Variants in CTDP1 observed in about 807,000 individuals in gnomAD.
CTDP1 encodes CTD phosphatase 1.
Under a neutral mutation model 91.8 loss-of-function variants are expected in CTDP1, and 47 were observed. That is an observed-to-expected ratio of 0.51 (90% CI 0.41 to 0.65). The LOEUF (loss-of-function observed/expected upper bound fraction) is 0.65. CTDP1 is among the 30% of genes least tolerant of loss of function. The probability of loss-of-function intolerance (pLI) is 0.00; values close to 1 mark genes in which losing one functional copy is unlikely to be tolerated. For missense variants in CTDP1, 1,272 were observed against 1,373.7 expected, an observed-to-expected ratio of 0.93 and a Z score of 1.17; for synonymous variants, 656 against 598.5, an observed-to-expected ratio of 1.10 and a Z score of -1.40.
In CTDP1 at chr18:79,690,209, G is replaced by A. The variant is rs369211247; in HGVS notation, c.315-5016G>A. ...GGAGGCGATGCTCAGAGGTGATGGC[G>A]TCCATGGTCCAGGCCCAGCCCGTAG... On this transcript the variant is annotated intron_variant, in intron 1 of 12. Coordinates refer to ENST00000613122, the MANE Select transcript of CTDP1 (RefSeq NM_004715.5). 5.9e-5 allele frequency among the ~76,000 whole-genome samples: 9 copies of A among 152,346 alleles called. No homozygotes were observed. The East Asian group carries it at 1.2e-3, about 20-fold the overall frequency.
At chr18:79,722,673 G>A (rs948177750) in intron 10 of CTDP1, among the ~76,000 whole-genome samples, 6 of 152,092 alleles carry the variant, frequency 3.9e-5, no homozygotes, top group African/African-American at 1.5e-4. Flanking sequence ...TGGAAACTGA[G>A]TTCTCCTAAA....
intron 3 of CTDP1, among the ~76,000 whole-genome samples, chr18:79,696,803 C>T (rs780446461): frequency 6.6e-6 from 1 of 152,180 alleles, no homozygotes; most frequent in African/African-American, 2.4e-5. Context: ...TGTGGGTCAG[C>T]GGCTCCGGGC....
intron 5 of CTDP1, among the ~76,000 whole-genome samples, chr18:79,707,624 C>T (rs2085993955): frequency 6.6e-6 from 1 of 152,234 alleles, no homozygotes; most frequent in Admixed American, 6.5e-5. Context: ...AACTGCAGAC[C>T]AGTATCCCTT....
chr18:79,719,605 G>A (rs1193777447), intron 10 of CTDP1, among the ~76,000 whole-genome samples: 1 of 151,192 alleles, frequency 6.6e-6, no homozygotes, highest in Non-Finnish European at 1.5e-5. Context: ...CATTAGGAAG[G>A]CGTCCTGGTG....
At chr18:79,708,743 C>T (rs2086019728) in intron 5 of CTDP1, among the ~76,000 whole-genome samples, 1 of 152,236 alleles carries the variant, frequency 6.6e-6, no homozygotes. Flanking sequence ...GACTCTGGAC[C>T]GGCTCACTCT....
Position 79,750,504 on chromosome 18 carries a change from T to C in CTDP1, c.2748-3148T>C, listed in dbSNP as rs79707906. Reference sequence around the variant, plus strand: ...CTTCCCGCTACTCTGCCTTTTTTTTTCCCCCCCGAGACAGAGTCTCGCTCT... The same window carrying C: ...CTTCCCGCTACTCTGCCTTTTTTTTCCCCCCCCGAGACAGAGTCTCGCTCT... On this transcript the variant is annotated intron_variant, in intron 12 of 12. Coordinates refer to ENST00000613122, the MANE Select transcript of CTDP1 (RefSeq NM_004715.5). Among the ~76,000 whole-genome samples the C allele has an allele frequency of 3.4e-3, 505 of 150,638 alleles. 5 individuals are homozygous for C. The highest frequency in any genetic ancestry group is 5.3e-3 in the Non-Finnish European group (359 of 67,648).
chr18:79,742,010 A>G (rs568457236), intron 12 of CTDP1, among the ~76,000 whole-genome samples: 1 of 152,356 alleles, frequency 6.6e-6, no homozygotes, highest in African/African-American at 2.4e-5. Context: ...TTACCTAGGC[A>G]CATCCCAGTG....
intron 8 of CTDP1, among the ~76,000 whole-genome samples, chr18:79,715,999 C>G (rs1343021985): frequency 6.6e-6 from 1 of 152,212 alleles, no homozygotes. Flanking sequence ...TGAAACCTGT[C>G]CCGGACGGGG....
At chr18:79,684,647 C>T (rs138209443) in intron 1 of CTDP1, among the ~76,000 whole-genome samples, 2,881 of 150,896 alleles carry the variant, frequency 0.019, 52 homozygotes, top group Middle Eastern at 0.11. Flanking sequence ...TCCGTGCCCT[C>T]GTTGCCTGCA....
At chr18:79,679,599 C>A, upstream of CTDP1, 1 of 474,082 alleles carries the variant, frequency 2.1e-6, no homozygotes, top group Non-Finnish European at 4.2e-6. Flanking sequence ...GACTGGGCGA[C>A]AGCGGCCCGC....
At chr18:79,743,685 C>G (rs958835194) in intron 12 of CTDP1, among the ~76,000 whole-genome samples, 8 of 152,214 alleles carry the variant, frequency 5.3e-5, no homozygotes, top group African/African-American at 1.9e-4. Flanking sequence ...AGGGGCTGAG[C>G]TGTGCAGCAG....
At chr18:79,748,475 G>A (rs1250009760) in intron 12 of CTDP1, among the ~76,000 whole-genome samples, 4 of 152,242 alleles carry the variant, frequency 2.6e-5, no homozygotes, top group African/African-American at 4.8e-5. Flanking sequence ...TCAGCCTCAT[G>A]GAAGCCCTGA....
At chr18:79,705,583 A>G (rs2122564401) in intron 5 of CTDP1, among the ~76,000 whole-genome samples, 1 of 151,552 alleles carries the variant, frequency 6.6e-6, no homozygotes, top group Middle Eastern at 3.4e-3. Flanking sequence ...GCAAGGGGAC[A>G]GTGCGGGACG....
chr18:79,680,908 C>G lies in CTDP1; in HGVS notation c.314+647C>G, dbSNP rs2085350568. The G allele has an allele frequency of 2.0e-5, 3 of 152,284 alleles. No individual in the cohort carries two copies. The South Asian group carries it at 6.2e-4, about 31-fold the overall frequency. 9.4% of individuals were successfully genotyped at this position (152,284 alleles called of 1,614,324 possible). A position where few individuals can be genotyped will look rare whatever the true frequency, so the allele number is the denominator to read the frequency against. Reference sequence around the variant, plus strand: ...GTTTCCGTAGCACCGAAGTGTCCAGCCATGTTTGAATCTACCCTTGTGTTC... The same window carrying G: ...GTTTCCGTAGCACCGAAGTGTCCAGGCATGTTTGAATCTACCCTTGTGTTC... On this transcript the variant is annotated intron_variant, in intron 1 of 12. Coordinates refer to ENST00000613122, the MANE Select transcript of CTDP1 (RefSeq NM_004715.5).
At chr18:79,679,441 C>T (rs1325319875), upstream of CTDP1, 5 of 456,232 alleles carry the variant, frequency 1.1e-5, no homozygotes, top group Non-Finnish European at 2.2e-5. Flanking sequence ...CATGCCGGAA[C>T]TCGTAGTCTC....
intron 2 of CTDP1, 47 bp downstream of exon 2, chr18:79,695,355 G>C: frequency 1.3e-6 from 2 of 1,565,422 alleles, no homozygotes; most frequent in Non-Finnish European, 1.8e-6. Context: ...GGCTCGAGGT[G>C]GTGGCCTCCG....
intron 12 of CTDP1, among the ~76,000 whole-genome samples, chr18:79,745,426 T>A (rs1248980581): frequency 2.1e-4 from 1 of 4,856 alleles, no homozygotes; most frequent in African/African-American, 5.8e-4. Context: ...GCGCGTTCTG[T>A]CCCCGCGTCC....
chr18:79,753,619 C>A (rs2087044052), intron 12 of CTDP1, 33 bp from the exon 13 acceptor site: 1 of 1,614,010 alleles, frequency 6.2e-7, no homozygotes, highest in Middle Eastern at 1.7e-4. Flanking sequence ...GCGTTTGCCA[C>A]AAGCATCTCA....
chr18:79,711,548 C>T (rs946926620), intron 6 of CTDP1, among the ~76,000 whole-genome samples: 1 of 152,172 alleles, frequency 6.6e-6, no homozygotes, highest in African/African-American at 2.4e-5. Flanking sequence ...AGCCCCACCC[C>T]ACGCACAAGC....
Sources: allele counts gnomAD v4.1 joint callset (sites outside exome capture counted in the v4.1 genomes callset), GRCh38; gene constraint gnomAD v4.1.1; transcripts MANE v1.5; gene names NCBI Gene and HGNC (gene_info 2026-07-23, HGNC 2026-07-21).